PCDH15: variants seen among roughly 807,000 people sequenced by gnomAD.
PCDH15 encodes the protein protocadherin-15.
In PCDH15, 129 loss-of-function variants were observed where a neutral mutation model predicts 178.5. The observed-to-expected ratio is 0.72, with a 90% CI of 0.63 to 0.84. The LOEUF is 0.84. Ranked by LOEUF, PCDH15 falls within the 40% of genes least tolerant of loss-of-function variation. The probability of loss-of-function intolerance (pLI) is 0.00; values close to 1 mark genes in which losing one functional copy is unlikely to be tolerated. For synonymous variants in PCDH15, 800 were observed against 732.0 expected (o/e 1.09, Z -1.50); for missense variants, 2,230 against 2,099.9 (o/e 1.06, Z -1.21).
intron 9 of PCDH15, among the ~76,000 whole-genome samples, chr10:54,218,162 G>A (rs1202155554): frequency 1.3e-5 from 2 of 152,084 alleles, no homozygotes; most frequent in African/African-American, 2.4e-5. Context: ...ATTAAAAAGT[G>A]TCTCATTAAG....
chr10:54,342,376 C>A (rs1428950818), intron 6 of PCDH15, among the ~76,000 whole-genome samples: 2 of 152,302 alleles, frequency 1.3e-5, no homozygotes, highest in African/African-American at 4.8e-5. Context: ...TTCAGAGGTG[C>A]AAGCCCCATG....
chr10:54,752,559 A>C, intron 1 of PCDH15, among the ~76,000 whole-genome samples: 1 of 151,578 alleles, frequency 6.6e-6, no homozygotes, highest in African/African-American at 2.4e-5. Context: ...ATTTTCCTAT[A>C]TGTCAGAAAA....
chr10:54,600,983 A>C (rs2092499629), intron 2 of PCDH15, among the ~76,000 whole-genome samples: 1 of 152,030 alleles, frequency 6.6e-6, no homozygotes, highest in African/African-American at 2.4e-5. Context: ...AGCCAAAAAC[A>C]ATAAATGAAA....
At chr10:55,127,610 TATA>T (rs2132073839) in intron 2 of PCDH15, among the ~76,000 whole-genome samples, 1 of 152,214 alleles carries the variant, frequency 6.6e-6, no homozygotes, top group Admixed American at 6.5e-5. Flanking sequence ...TTTACCCTAA[TATA>T]ATCCTATGTT....
chr10:55,438,683 G>A (rs183501215), intron 2 of PCDH15, among the ~76,000 whole-genome samples: 72 of 151,194 alleles, frequency 4.8e-4, no homozygotes, highest in Admixed American at 2.1e-3. Flanking sequence ...AAAGAGAAAC[G>A]GAAAAGAAAT....
At chr10:54,120,426 T>C (rs2095195859) in intron 15 of PCDH15, among the ~76,000 whole-genome samples, 1 of 152,130 alleles carries the variant, frequency 6.6e-6, no homozygotes, top group Non-Finnish European at 1.5e-5. Flanking sequence ...ATTAACCTGG[T>C]ACATAAATGG....
At chr10:55,539,114 C>T (rs11004904) in intron 2 of PCDH15, among the ~76,000 whole-genome samples, 110,143 of 148,102 alleles carry the variant, frequency 0.74, 41,909 homozygotes, top group East Asian at 0.99. Flanking sequence ...CTTCCTTCTT[C>T]TAATGTGTGT....
At chr10:54,776,381 G>A (rs1420460884) in intron 1 of PCDH15, among the ~76,000 whole-genome samples, 1 of 151,756 alleles carries the variant, frequency 6.6e-6, no homozygotes, top group Non-Finnish European at 1.5e-5. Flanking sequence ...AAGATATCTG[G>A]GATCTAGAAG....
At position 54,507,076 on chromosome 10, in the gene PCDH15, TA is replaced by T. The variant is rs532468998; in HGVS notation, c.157+20735del. 1.3e-3 allele frequency among the ~76,000 whole-genome samples: 203 copies of T among 152,022 alleles called. 1 individual carries two copies. The highest frequency in any genetic ancestry group is 4.6e-3 in the African/African-American group (191 of 41,540). On this transcript the variant is annotated intron_variant, in intron 3 of 37. Transcript: ENST00000644397. ...ATTCCTTTAATAATTACATGGCTAATAAACTATTGCTTTTCCTCATGCATAT... is the reference window on the plus strand; with the variant it reads ...ATTCCTTTAATAATTACATGGCTAATAACTATTGCTTTTCCTCATGCATAT...
chr10:54,201,423 G>A (rs1272027622), intron 10 of PCDH15, among the ~76,000 whole-genome samples: 1 of 151,664 alleles, frequency 6.6e-6, no homozygotes, highest in Non-Finnish European at 1.5e-5. Flanking sequence ...TTTATAATAT[G>A]TAAAAATAGA....
chr10:55,071,223 T>G lies in PCDH15; in HGVS notation c.-80+95353A>C, dbSNP rs578193280. Among the ~76,000 whole-genome samples the G allele has an allele frequency of 1.1e-3, 169 of 152,178 alleles. 1 individual carries two copies. Among genetic ancestry groups the G allele is most frequent in the African/African-American group, 3.9e-3 (162 of 41,528 alleles). On this transcript the variant is annotated intron_variant, in intron 2 of 5. Coordinates refer to the PCDH15 transcript ENST00000458638. ...CAAAATAACCAGCTAACATCATAAT[T>G]ACAGGATCAAGTTCACACATAACAA...
At chr10:55,497,642 G>C (rs1407500800) in intron 2 of PCDH15, among the ~76,000 whole-genome samples, 2 of 151,636 alleles carry the variant, frequency 1.3e-5, no homozygotes, top group Non-Finnish European at 2.9e-5. Flanking sequence ...TAAATCAAAA[G>C]AGCAAACCAA....
chr10:53,853,143 C>A (rs2078496171), intron 28 of PCDH15, among the ~76,000 whole-genome samples: 1 of 151,256 alleles, frequency 6.6e-6, no homozygotes, highest in African/African-American at 2.4e-5. Flanking sequence ...TAAAAAAAAT[C>A]TACAAAATGA....
At chr10:55,121,301 G>A (rs915848703) in intron 2 of PCDH15, among the ~76,000 whole-genome samples, 5 of 151,564 alleles carry the variant, frequency 3.3e-5, no homozygotes, top group African/African-American at 1.2e-4. Flanking sequence ...AAATGGGAAT[G>A]TCTATCCCAT....
intron 8 of PCDH15, among the ~76,000 whole-genome samples, chr10:54,259,041 T>C (rs577270402): frequency 3.0e-4 from 45 of 152,316 alleles, no homozygotes; most frequent in South Asian, 2.1e-3. Context: ...ATTATATTTA[T>C]AGAAAATCTT....
At chr10:55,133,202 G>C (rs929974554) in intron 2 of PCDH15, among the ~76,000 whole-genome samples, 3 of 152,054 alleles carry the variant, frequency 2.0e-5, no homozygotes, top group Admixed American at 6.6e-5. Context: ...ATATAGAAAA[G>C]CTGGCTCTGA....
intron 2 of PCDH15, among the ~76,000 whole-genome samples, chr10:55,503,077 T>G (rs1221322315): frequency 6.6e-6 from 1 of 151,408 alleles, no homozygotes; most frequent in Non-Finnish European, 1.5e-5. Flanking sequence ...GCCTCAAATA[T>G]GAAAGACATC....
rs1472965932 is a variant in PCDH15 at position 54,400,866 on chromosome 10, T to A, written c.158-21924A>T. ...GGAGAGGAGAGAGAAAGAGAGAGAA[T>A]GATTATGTTTTACATAAAAAACAGT... On this transcript the variant is annotated intron_variant, in intron 3 of 37. Transcript: ENST00000644397. Among the ~76,000 whole-genome samples, 9 of 151,708 alleles carry A rather than the reference T, an allele frequency of 5.9e-5. No homozygotes were observed. The East Asian group carries it at 1.7e-3, about 29-fold the overall frequency.
intron 2 of PCDH15, among the ~76,000 whole-genome samples, chr10:55,626,700 A>G (rs571045720): frequency 7.9e-5 from 12 of 152,320 alleles, no homozygotes; most frequent in Admixed American, 5.9e-4. Context: ...AATTCCTGTT[A>G]TTAGCTAATG....
Sources: gnomAD v4.1 joint callset for allele counts (sites outside exome capture counted in the v4.1 genomes callset) on GRCh38, gnomAD v4.1.1 for gene constraint, MANE v1.5 for transcripts, NCBI Gene and HGNC (gene_info 2026-07-23, HGNC 2026-07-21) for gene names.